Variants in FBXL22 observed in about 807,000 individuals in gnomAD.
The protein encoded by FBXL22 is F-box and leucine-rich protein 22.
Under a neutral mutation model 11.7 loss-of-function variants are expected in FBXL22, and 13 were observed. The ratio of observed to expected loss-of-function variants is 1.11; its 90% CI spans 0.73 to 1.77. The LOEUF is 1.77. Ranked by LOEUF, FBXL22 falls within the 40% of genes most tolerant of loss-of-function variation. FBXL22 has a pLI of 0.00. For synonymous variants in FBXL22, 160 were observed against 144.1 expected (o/e 1.11, Z -0.79); for missense variants, 406 against 320.4 (o/e 1.27, Z -2.04).
At chr15:63,604,659 C>A (rs770376168), downstream of FBXL22, among the ~76,000 whole-genome samples, 3 of 152,206 alleles carry the variant, frequency 2.0e-5, no homozygotes, top group Non-Finnish European at 4.4e-5. Flanking sequence ...ATCTACAAAA[C>A]CACTTTTGGA....
At chr15:63,602,568 CAG>C (rs1391566866), downstream of FBXL22, 1 of 114,256 alleles carries the variant, frequency 8.8e-6, no homozygotes, top group South Asian at 2.8e-4. Context: ...GCCTGGGCGA[CAG>C]AGAGACTCTT....
downstream of FBXL22, among the ~76,000 whole-genome samples, chr15:63,605,075 T>TA (rs750184688): frequency 1.9e-3 from 283 of 151,442 alleles, 5 homozygotes; most frequent in Middle Eastern, 0.014. Context: ...AAAAAAAAAG[T>TA]AAAAAACAAA....
intron 1 of FBXL22, among the ~76,000 whole-genome samples, chr15:63,598,639 C>G (rs929244944): frequency 1.3e-5 from 2 of 152,218 alleles, no homozygotes; most frequent in African/African-American, 4.8e-5. Flanking sequence ...CTGGCCCTGG[C>G]TGTTCATGGA....
downstream of FBXL22, among the ~76,000 whole-genome samples, chr15:63,604,980 A>C (rs1171172971): frequency 6.6e-6 from 1 of 152,098 alleles, no homozygotes; most frequent in East Asian, 1.9e-4. Context: ...TGAACCCGGG[A>C]GACAGTGGTT....
At position 63,600,676 on chromosome 15, in the gene FBXL22, G is replaced by A. The variant is rs575000392; in HGVS notation, c.354-21G>A. On this transcript the variant is annotated intron_variant, in intron 1 of 1. Coordinates refer to ENST00000638704, the MANE Select transcript of FBXL22 (RefSeq NM_001367807.1). ...GCTTTAACAAGCCAGTGAGCCCCGG[G>A]TCACCGCACTCTCCTCACAGGTGCC... 1.4e-3 allele frequency: 1,757 copies of A among 1,231,378 alleles called. 2 individuals carry two copies. Among genetic ancestry groups the A allele is most frequent in the South Asian group, 4.3e-3 (104 of 24,324 alleles). 76.3% of individuals were successfully genotyped at this position (1,231,378 alleles called of 1,614,324 possible).
downstream of FBXL22, among the ~76,000 whole-genome samples, chr15:63,602,638 A>C (rs2067388499): frequency 6.6e-6 from 1 of 150,770 alleles, no homozygotes; most frequent in African/African-American, 2.4e-5. Context: ...AAAAAAGTGC[A>C]GGCTGTAACA....
intron 1 of FBXL22, 40 bp from the exon 2 acceptor site, chr15:63,600,657 A>C (rs2067352426): frequency 8.1e-7 from 1 of 1,231,092 alleles, no homozygotes; most frequent in African/African-American, 1.6e-5. Context: ...GGTAGCTTTA[A>C]CAAGCCAGTG....
At position 63,597,891 on chromosome 15, in the gene FBXL22, C is replaced by CGG. The variant is rs1479761598; in HGVS notation, c.353+146_353+147insGG. On this transcript the variant is annotated intron_variant, in intron 1 of 1. Coordinates refer to ENST00000638704, the MANE Select transcript of FBXL22 (RefSeq NM_001367807.1). The surrounding 1 kb of genome is among the most constrained non-coding windows in gnomAD (Gnocchi z 4.3). ...GCCCAAGGCAGACATCCAGACCGCC[C>CGG]AAAGCAGGGTCCCCAGGAGACAATA... 1 of 683,134 alleles carries CGG rather than the reference C, an allele frequency of 1.5e-6. No homozygotes were observed. Among genetic ancestry groups the CGG allele is most frequent in the Non-Finnish European group, 2.4e-6 (1 of 414,234 alleles). 42.3% of individuals were successfully genotyped at this position (683,134 alleles called of 1,614,324 possible).
downstream of FBXL22, among the ~76,000 whole-genome samples, chr15:63,607,331 CT>C (rs2067426931): frequency 6.6e-6 from 1 of 152,216 alleles, no homozygotes; most frequent in Non-Finnish European, 1.5e-5. Context: ...AGGCGTGAGC[CT>C]TTCTTTTCTT....
At position 63,599,278 on chromosome 15, in the gene FBXL22, G is replaced by A. The variant is rs1342023031; in HGVS notation, c.354-1419G>A. ...GAATGGCTGAGGATGGCTGGGCAGGGGGACAGTCCGCTCTTTGTTTTTTCC... is the reference window on the plus strand; with the variant it reads ...GAATGGCTGAGGATGGCTGGGCAGGAGGACAGTCCGCTCTTTGTTTTTTCC... On this transcript the variant is annotated intron_variant, in intron 1 of 1. Transcript: ENST00000638704. 2.8e-5 allele frequency: 42 copies of A among 1,508,482 alleles called. No individual in the cohort carries two copies. In the East Asian group the frequency reaches 9.6e-4, roughly 34 times the overall value. The allele number at this position is 1,508,482 out of a possible 1,614,324, so 93.4% of individuals were successfully genotyped here. A position where few individuals can be genotyped will look rare whatever the true frequency, so the allele number is the denominator to read the frequency against.
chr15:63,601,900 T>C (rs188224552), downstream of FBXL22: 2 of 632,574 alleles, frequency 3.2e-6, no homozygotes, highest in Admixed American at 3.7e-5. Flanking sequence ...TTTCACCTGT[T>C]GGATTTGCTG....
Position 63,601,012 on chromosome 15 carries a change from G to A in FBXL22, c.669G>A (p.Ala223=). ...CCCCGCGCCCGCGCGCGCCCGCCGC[G>A]GCCCTCGGCAAGCTGCTGCAGCGCT... The part of the protein sequence containing the change: ...DQPPRPRAPA[A]ALGKLLQR The change falls in exon 2 of 2, where the codon GCG becomes GCA. Residue 223 remains alanine, a synonymous_variant. Coordinates refer to ENST00000638704, the MANE Select transcript of FBXL22 (RefSeq NM_001367807.1). The A allele has an allele frequency of 1.7e-6, 2 of 1,200,386 alleles. No individual in the cohort carries two copies. Among genetic ancestry groups the A allele is most frequent in the Non-Finnish European group, 2.1e-6 (2 of 968,070 alleles). The allele number at this position is 1,200,386 out of a possible 1,614,324, so 74.4% of individuals were successfully genotyped here.
At chr15:63,600,639 G>A (rs953018568) in intron 1 of FBXL22, 58 bp from the exon 2 acceptor site, 2 of 1,230,950 alleles carry the variant, frequency 1.6e-6, no homozygotes, top group African/African-American at 1.6e-5. Context: ...GGTCCCATGG[G>A]GCGGTTGGGT....
At position 63,600,985 on chromosome 15, in the gene FBXL22, GCCCCCGCGCCCGCGCGCGC is replaced by G; in HGVS notation, c.645_663del (p.Arg219SerfsTer41). The stretch of plus-strand genomic sequence containing the variant: ...ACAGCGCCGCCATGCTGCCCGACCA[GCCCCCGCGCCCGCGCGCGC>G]CCGCCGCGGCCCTCGGCAAGCTGCT... On this transcript the variant is annotated frameshift_variant, in exon 2 of 2. Coordinates refer to ENST00000638704, the MANE Select transcript of FBXL22 (RefSeq NM_001367807.1). LOFTEE classifies it high-confidence loss of function. 1 of 1,190,068 alleles carries G rather than the reference GCCCCCGCGCCCGCGCGCGC, an allele frequency of 8.4e-7. No individual in the cohort carries two copies. The allele number at this position is 1,190,068 out of a possible 1,614,324, so 73.7% of individuals were successfully genotyped here. A position where few individuals can be genotyped will look rare whatever the true frequency, so the allele number is the denominator to read the frequency against.
chr15:63,601,475 G>T (rs758165645), downstream of FBXL22: 1 of 1,558,606 alleles, frequency 6.4e-7, no homozygotes, highest in Non-Finnish European at 8.7e-7. Flanking sequence ...GGGAGCCTCC[G>T]GGCGGAGCGA....
Position 63,600,438 on chromosome 15 carries a change from G to A in FBXL22, c.354-259G>A. On this transcript the variant is annotated intron_variant, in intron 1 of 1. Coordinates refer to ENST00000638704, the MANE Select transcript of FBXL22 (RefSeq NM_001367807.1). ...CAGGACTCTGCTGGGCCGGGGTCGG[G>A]GCTTCCCACTAGGGGCTCCCAAGGC... is the stretch of plus-strand genomic sequence containing the variant. 4.1e-6 allele frequency: 5 copies of A among 1,205,296 alleles called. No homozygotes were observed. In the South Asian group the frequency reaches 1.7e-4, roughly 41 times the overall value. The allele number at this position is 1,205,296 out of a possible 1,614,324, so 74.7% of individuals were successfully genotyped here.
chr15:63,600,495 C>G (rs1378376605), intron 1 of FBXL22: 1 of 1,225,454 alleles, frequency 8.2e-7, no homozygotes, highest in Admixed American at 4.3e-5. Flanking sequence ...GATGAAGGTA[C>G]GGTGGGGTGC....
chr15:63,606,575 C>T (rs1566931929), downstream of FBXL22, among the ~76,000 whole-genome samples: 1 of 152,076 alleles, frequency 6.6e-6, no homozygotes, highest in Non-Finnish European at 1.5e-5. Context: ...CAAGAGAGGC[C>T]GGGCACAGTG....
chr15:63,601,856 A>C, downstream of FBXL22: 1 of 941,016 alleles, frequency 1.1e-6, no homozygotes, highest in South Asian at 1.9e-5. Context: ...TAAGCTTTTG[A>C]TAATGGAACC....
Sources: allele counts gnomAD v4.1 joint callset (sites outside exome capture counted in the v4.1 genomes callset), GRCh38; gene constraint gnomAD v4.1.1; non-coding constraint Gnocchi (gnomAD v3.1); transcripts MANE v1.5; gene names NCBI Gene and HGNC (gene_info 2026-07-23, HGNC 2026-07-21).